The following ENTHD1 variants were observed in gnomAD, a reference collection of about 807,000 sequenced individuals.
ENTHD1 encodes the protein ENTH domain containing 1.
Under a neutral mutation model 39.1 loss-of-function variants are expected in ENTHD1, and 23 were observed. That is an observed-to-expected ratio of 0.59 (90% CI 0.42 to 0.83). The LOEUF is 0.83. ENTHD1 is among the 40% of genes least tolerant of loss of function. The pLI is 0.00. For missense variants in ENTHD1, 624 were observed against 705.4 expected, an observed-to-expected ratio of 0.88 and a Z score of 1.31; for synonymous variants, 230 against 258.2, an observed-to-expected ratio of 0.89 and a Z score of 1.05.
intron 3 of ENTHD1, among the ~76,000 whole-genome samples, chr22:39,855,577 T>C (rs535382116): frequency 4.8e-5 from 7 of 145,116 alleles, no homozygotes; most frequent in Non-Finnish European, 1.1e-4. Flanking sequence ...TAAACAATAA[T>C]ATGTGACTTG....
At chr22:39,889,726 C>CT (rs993619640) in intron 1 of ENTHD1, among the ~76,000 whole-genome samples, 9 of 151,912 alleles carry the variant, frequency 5.9e-5, no homozygotes, top group South Asian at 2.1e-4. Context: ...ACTATCACTT[C>CT]TTTTTTTTAA....
intron 3 of ENTHD1, among the ~76,000 whole-genome samples, chr22:39,838,367 A>G (rs947499240): frequency 2.0e-5 from 3 of 152,174 alleles, no homozygotes; most frequent in Admixed American, 1.3e-4. Context: ...ACAGTCAACA[A>G]GAGATAAAAA....
At position 39,768,364 on chromosome 22, in the gene ENTHD1, C is replaced by T. The variant is rs576932762; in HGVS notation, c.833-2755G>A. Among the ~76,000 whole-genome samples, 27 of 152,296 alleles carry T rather than the reference C, an allele frequency of 1.8e-4. No individual in the cohort carries two copies. The South Asian group carries it at 4.8e-3, about 27-fold the overall frequency. The stretch of plus-strand genomic sequence containing the variant: ...AGGCCATTCTCCCTGTCACTCCACA[C>T]GCCATGAGCATTTAGGTCCATTTAG... On this transcript the variant is annotated intron_variant, in intron 5 of 6. Coordinates refer to ENST00000325157, the MANE Select transcript of ENTHD1 (RefSeq NM_152512.4).
intron 5 of ENTHD1, among the ~76,000 whole-genome samples, chr22:39,787,059 T>C (rs2065464697): frequency 6.6e-6 from 1 of 150,976 alleles, no homozygotes. Context: ...GTCTCTGTCA[T>C]ATTTTGGTAA....
Position 39,767,109 on chromosome 22 carries a change from C to G in ENTHD1, c.833-1500G>C, listed in dbSNP as rs556947631. On this transcript the variant is annotated intron_variant, in intron 5 of 6. Transcript: ENST00000325157. Reference sequence around the variant, plus strand: ...AGGAGTCATCTTCGTGTCTCAGCACCTAACAGTGCCATTCCCAGAGGACAG... The same window carrying G: ...AGGAGTCATCTTCGTGTCTCAGCACGTAACAGTGCCATTCCCAGAGGACAG... Among the ~76,000 whole-genome samples, 4 of 152,256 alleles carry G rather than the reference C, an allele frequency of 2.6e-5. No homozygotes were observed. In the South Asian group the frequency reaches 8.3e-4, roughly 32 times the overall value.
chr22:39,808,120 A>C (rs1405241439), intron 5 of ENTHD1, among the ~76,000 whole-genome samples: 1 of 152,178 alleles, frequency 6.6e-6, no homozygotes, highest in Non-Finnish European at 1.5e-5. Context: ...GATTGTTATG[A>C]AGATTAAATG....
chr22:39,747,284 C>G (rs1028754773), intron 6 of ENTHD1, among the ~76,000 whole-genome samples: 1 of 152,118 alleles, frequency 6.6e-6, no homozygotes, highest in Non-Finnish European at 1.5e-5. Flanking sequence ...ACTGTGCCCC[C>G]TCAAATAGTT....
chr22:39,757,355 G>T (rs2065193068), intron 6 of ENTHD1, among the ~76,000 whole-genome samples: 1 of 152,024 alleles, frequency 6.6e-6, no homozygotes, highest in Admixed American at 6.6e-5. Context: ...CTGCAGCTTT[G>T]AACTCCTGGG....
chr22:39,804,272 G>T (rs1569147530), intron 5 of ENTHD1, among the ~76,000 whole-genome samples: 3 of 151,992 alleles, frequency 2.0e-5, no homozygotes, highest in Non-Finnish European at 1.5e-5. Flanking sequence ...GACTGTCTGA[G>T]TCCAGGAGTT....
At chr22:39,882,878 C>A (rs1454438429) in intron 2 of ENTHD1, among the ~76,000 whole-genome samples, 1 of 151,712 alleles carries the variant, frequency 6.6e-6, no homozygotes. Context: ...TGGCAGGTGC[C>A]TGTAGTCCCA....
intron 5 of ENTHD1, among the ~76,000 whole-genome samples, chr22:39,820,133 C>T (rs780220961): frequency 6.6e-6 from 1 of 152,064 alleles, no homozygotes; most frequent in Non-Finnish European, 1.5e-5. Context: ...TGTAAGAAAA[C>T]TCTATAAATA....
chr22:39,832,854 G>A (rs962469781), intron 4 of ENTHD1, among the ~76,000 whole-genome samples: 2 of 152,188 alleles, frequency 1.3e-5, no homozygotes, highest in African/African-American at 4.8e-5. Flanking sequence ...AAGGGAGTCT[G>A]CAGTGACAAG....
chr22:39,779,148 C>T (rs1017138409), intron 5 of ENTHD1, among the ~76,000 whole-genome samples: 7 of 152,076 alleles, frequency 4.6e-5, no homozygotes, highest in Admixed American at 3.3e-4. Context: ...GAAACCCCAT[C>T]TCTACTAAAA....
intron 1 of ENTHD1, among the ~76,000 whole-genome samples, chr22:39,891,910 G>A (rs936811472): frequency 2.6e-5 from 4 of 151,924 alleles, no homozygotes; most frequent in African/African-American, 9.7e-5. Context: ...GTGAGCCACC[G>A]TGCTTGGCCT....
chr22:39,891,050 A>G (rs2146787033), intron 1 of ENTHD1, among the ~76,000 whole-genome samples: 1 of 152,360 alleles, frequency 6.6e-6, no homozygotes, highest in South Asian at 2.1e-4. Context: ...ACATGAGACA[A>G]AATTAGTGCC....
chr22:39,881,503 T>C (rs1023701500), intron 2 of ENTHD1, among the ~76,000 whole-genome samples: 1 of 152,242 alleles, frequency 6.6e-6, no homozygotes, highest in Non-Finnish European at 1.5e-5. Flanking sequence ...GTTTTCCCAA[T>C]GTTTTTCCTA....
intron 2 of ENTHD1, among the ~76,000 whole-genome samples, chr22:39,882,551 T>G (rs1176881025): frequency 6.6e-6 from 1 of 152,218 alleles, no homozygotes; most frequent in Non-Finnish European, 1.5e-5. Context: ...GGGGCCTGAC[T>G]TTATCCTGAG....
intron 2 of ENTHD1, among the ~76,000 whole-genome samples, chr22:39,881,704 C>G (rs1320177861): frequency 6.6e-6 from 1 of 152,084 alleles, no homozygotes; most frequent in African/African-American, 2.4e-5. Flanking sequence ...ATGAGAAGCG[C>G]TATGGGGAAA....
intron 4 of ENTHD1, among the ~76,000 whole-genome samples, chr22:39,826,659 A>T (rs938235664): frequency 2.0e-5 from 3 of 152,168 alleles, no homozygotes; most frequent in African/African-American, 4.8e-5. Flanking sequence ...CTTAATGTAA[A>T]CTGGACTTTG....
Sources: gnomAD v4.1 joint callset for allele counts (sites outside exome capture counted in the v4.1 genomes callset) on GRCh38, gnomAD v4.1.1 for gene constraint, MANE v1.5 for transcripts, NCBI Gene and HGNC (gene_info 2026-07-23, HGNC 2026-07-21) for gene names.